The following PTCHD4 variants were observed in gnomAD, a reference collection of about 807,000 sequenced individuals.
The protein encoded by PTCHD4 is patched domain-containing protein 4.
Under a neutral mutation model 58.1 loss-of-function variants are expected in PTCHD4, and 33 were observed. That is an observed-to-expected ratio of 0.57 (90% confidence interval 0.43 to 0.76). The LOEUF is 0.76. Among genes scored for constraint, PTCHD4 ranks in the 30% least tolerant of loss-of-function variants. The probability of loss-of-function intolerance (pLI) is 0.00; values close to 1 mark genes in which losing one functional copy is unlikely to be tolerated. For synonymous variants in PTCHD4, 478 were observed against 409.6 expected, an observed-to-expected ratio of 1.17 and a Z score of -2.02; for missense variants, 1,058 against 1,027.1, an observed-to-expected ratio of 1.03 and a Z score of -0.41.
chr6:48,013,973 A>G (rs1040442734), intron 3 of PTCHD4, among the ~76,000 whole-genome samples: 2 of 152,116 alleles, frequency 1.3e-5, no homozygotes, highest in Admixed American at 6.6e-5. Context: ...TAAACAACAG[A>G]TCTTCATTGA....
intron 4 of PTCHD4, among the ~76,000 whole-genome samples, chr6:47,934,809 AGAT>A (rs1378516478): frequency 6.6e-6 from 1 of 152,224 alleles, no homozygotes; most frequent in Non-Finnish European, 1.5e-5. Context: ...GTGAAAATAC[AGAT>A]ATTATTTGTA....
At chr6:48,057,332 C>T (rs1350270820) in intron 3 of PTCHD4, among the ~76,000 whole-genome samples, 1 of 152,058 alleles carries the variant, frequency 6.6e-6, no homozygotes, top group East Asian at 1.9e-4. Flanking sequence ...CTGGAATGGG[C>T]TTTGGTTTGA....
intron 1 of PTCHD4, among the ~76,000 whole-genome samples, chr6:48,071,634 G>A (rs778510667): frequency 6.6e-6 from 1 of 151,998 alleles, no homozygotes; most frequent in Non-Finnish European, 1.5e-5. Context: ...CATTAGTTTG[G>A]TAAATTTTTG....
chr6:48,027,240 T>A (rs1022457442), intron 3 of PTCHD4, among the ~76,000 whole-genome samples: 3 of 152,124 alleles, frequency 2.0e-5, no homozygotes, highest in African/African-American at 7.2e-5. Flanking sequence ...TTATTATAAA[T>A]AAAATCTTCC....
chr6:47,915,291 C>T (rs1373130864), intron 4 of PTCHD4, among the ~76,000 whole-genome samples: 1 of 151,996 alleles, frequency 6.6e-6, no homozygotes, highest in Non-Finnish European at 1.5e-5. Flanking sequence ...CTTTACATTG[C>T]TAGGTATGTT....
intron 1 of PTCHD4, among the ~76,000 whole-genome samples, chr6:48,095,718 CAAACA>C (rs1311974611): frequency 7.8e-6 from 1 of 128,106 alleles, no homozygotes; most frequent in Non-Finnish European, 1.7e-5. Flanking sequence ...CAAAAACAAA[CAAACA>C]AAAGGAACCA....
intron 3 of PTCHD4, among the ~76,000 whole-genome samples, chr6:48,009,791 C>G (rs1275913987): frequency 6.6e-6 from 1 of 152,184 alleles, no homozygotes; most frequent in Non-Finnish European, 1.5e-5. Flanking sequence ...CATAGGTTGA[C>G]CTTTTCTTAT....
In PTCHD4 at chr6:48,068,569, C is replaced by A. The variant is rs775688846; in HGVS notation, c.78G>T (p.Ser26=). The change falls in exon 3 of 5, where the codon TCG becomes TCT. Residue 26 remains serine (S), a synonymous_variant. Coordinates refer to ENST00000339488, the MANE Select transcript of PTCHD4 (RefSeq NM_001384253.1). This position sits in a 1 kb window ranked among gnomAD's most constrained non-coding sequence, Gnocchi z 4.2. ...CGCACAAACCCAGCCTGTGGCAGAA[C>A]GACTGGAGCCCTCTGCGAAGCACCT... The part of the protein sequence containing the change: ...LRQVLRRGLQ[S]FCHRLGLCVS... 8.8e-6 allele frequency: 14 copies of A among 1,583,490 alleles called. No individual in the cohort carries two copies. The highest frequency in any genetic ancestry group is 1.7e-6 in the Non-Finnish European group (2 of 1,169,180).
chr6:48,012,154 C>T (rs1483399795), intron 3 of PTCHD4, among the ~76,000 whole-genome samples: 4 of 152,160 alleles, frequency 2.6e-5, no homozygotes, highest in African/African-American at 9.7e-5. Context: ...CTATAAATTA[C>T]TTTGGGCAGT....
intron 4 of PTCHD4, among the ~76,000 whole-genome samples, chr6:47,974,231 A>T (rs2113994710): frequency 6.6e-6 from 1 of 152,310 alleles, no homozygotes; most frequent in Non-Finnish European, 1.5e-5. Context: ...CTAATATTTC[A>T]TCTCATTTTA....
At chr6:48,026,121 T>A (rs1177822780) in intron 3 of PTCHD4, among the ~76,000 whole-genome samples, 1 of 152,170 alleles carries the variant, frequency 6.6e-6, no homozygotes, top group African/African-American at 2.4e-5. Flanking sequence ...ATGAGATATG[T>A]GTGTTAGAAG....
In PTCHD4 at chr6:47,871,348, G is replaced by C. The variant is rs537727786; in HGVS notation, c.*6955C>G. Among the ~76,000 whole-genome samples, 2 of 151,544 alleles carry C rather than the reference G, an allele frequency of 1.3e-5. No individual in the cohort carries two copies. The highest frequency in any genetic ancestry group is 4.8e-5 in the African/African-American group (2 of 41,352). ...GCCTAGAATAAACAAACAAACACCC[G>C]AACAGATTTTTTCCTCCAAGAAAAG... is the stretch of plus-strand genomic sequence containing the variant. On this transcript the variant is annotated 3_prime_UTR_variant, in exon 5 of 5. Coordinates refer to ENST00000339488, the MANE Select transcript of PTCHD4 (RefSeq NM_001384253.1).
chr6:48,058,337 C>T (rs1764489489), intron 3 of PTCHD4, among the ~76,000 whole-genome samples: 1 of 152,214 alleles, frequency 6.6e-6, no homozygotes, highest in Non-Finnish European at 1.5e-5. Context: ...CCAAGGACTA[C>T]ACTTTGAGAA....
chr6:48,043,744 T>C (rs1333763058), intron 3 of PTCHD4, among the ~76,000 whole-genome samples: 1 of 151,820 alleles, frequency 6.6e-6, no homozygotes, highest in Non-Finnish European at 1.5e-5. Flanking sequence ...ATTAAAAACA[T>C]GCTTCCAGAT....
At chr6:47,951,529 T>C (rs1766650938) in intron 4 of PTCHD4, among the ~76,000 whole-genome samples, 1 of 152,198 alleles carries the variant, frequency 6.6e-6, no homozygotes, top group Non-Finnish European at 1.5e-5. Context: ...AGATTTTTAT[T>C]TGGCAGTAAG....
chr6:47,938,784 T>C (rs907484505), intron 4 of PTCHD4, among the ~76,000 whole-genome samples: 1 of 152,192 alleles, frequency 6.6e-6, no homozygotes, highest in Non-Finnish European at 1.5e-5. Flanking sequence ...TATTTGGAAA[T>C]GTCAGGAAAA....
chr6:48,018,401 G>T (rs1222101557), intron 3 of PTCHD4, among the ~76,000 whole-genome samples: 1 of 151,968 alleles, frequency 6.6e-6, no homozygotes, highest in Non-Finnish European at 1.5e-5. Context: ...TGCCCCAAGA[G>T]AAAAAAATAA....
chr6:48,023,974 G>C (rs1272450182), intron 3 of PTCHD4, among the ~76,000 whole-genome samples: 3 of 152,144 alleles, frequency 2.0e-5, no homozygotes, highest in East Asian at 1.9e-4. Flanking sequence ...AACATTCAGA[G>C]AACTTGAGTT....
chr6:47,944,159 T>C (rs1766334535), intron 4 of PTCHD4, among the ~76,000 whole-genome samples: 1 of 152,016 alleles, frequency 6.6e-6, no homozygotes, highest in African/African-American at 2.4e-5. Context: ...TGGTCTAAAA[T>C]TAAATATAGT....
Sources: allele counts gnomAD v4.1 joint callset (sites outside exome capture counted in the v4.1 genomes callset), GRCh38; gene constraint gnomAD v4.1.1; non-coding constraint Gnocchi (gnomAD v3.1); transcripts MANE v1.5; gene names NCBI Gene and HGNC (gene_info 2026-07-23, HGNC 2026-07-21).